Variants in RIC3 observed in about 807,000 individuals in gnomAD.
The protein encoded by RIC3 is RIC3 acetylcholine receptor chaperone.
A neutral mutation model predicts 27.3 loss-of-function variants in RIC3; 28 were observed. The ratio of observed to expected loss-of-function variants is 1.02; its 90% CI spans 0.76 to 1.41. The LOEUF (loss-of-function observed/expected upper bound fraction) is 1.41. Among genes scored for constraint, RIC3 ranks in the 40% most tolerant of loss-of-function variants. The pLI, the probability that RIC3 is intolerant of heterozygous loss-of-function variation, is 0.00. For missense variants in RIC3, 501 were observed against 444.7 expected, an observed-to-expected ratio of 1.13 and a Z score of -1.14; for synonymous variants, 184 against 160.4, an observed-to-expected ratio of 1.15 and a Z score of -1.11.
the RIC3 span, chr11:8,096,632 G>A: frequency 8.3e-7 from 1 of 1,209,340 alleles, no homozygotes; most frequent in Non-Finnish European, 1.2e-6. Context: ...TGTATTTCAG[G>A]GGCAGCGTAG....
chr11:8,127,774 T>G (rs967767461), intron 4 of RIC3, among the ~76,000 whole-genome samples: 1 of 152,200 alleles, frequency 6.6e-6, no homozygotes, highest in African/African-American at 2.4e-5. Flanking sequence ...GGAAAAATGA[T>G]GTACTATGTA....
At chr11:8,093,900 C>G in the RIC3 span, 1 of 902,128 alleles carries the variant, frequency 1.1e-6, no homozygotes. Context: ...GGGCCTGATC[C>G]TGTGGGCTGT....
At chr11:8,114,421 ATG>A (rs746342481) in intron 5 of RIC3, among the ~76,000 whole-genome samples, 1 of 152,146 alleles carries the variant, frequency 6.6e-6, no homozygotes, top group Non-Finnish European at 1.5e-5. Context: ...CCTGGCCAAC[ATG>A]GTAAAATCCT....
intron 1 of RIC3, among the ~76,000 whole-genome samples, chr11:8,161,912 A>G (rs1951199648): frequency 7.3e-6 from 1 of 136,468 alleles, no homozygotes; most frequent in Non-Finnish European, 1.6e-5. Flanking sequence ...TGAGACACTC[A>G]CTTTCTCCGG....
intron 1 of RIC3, among the ~76,000 whole-genome samples, chr11:8,160,085 G>C (rs887553088): frequency 2.6e-5 from 4 of 152,178 alleles, no homozygotes; most frequent in African/African-American, 7.2e-5. Flanking sequence ...ACACCAACTA[G>C]ATATTTAATG....
chr11:8,104,598 G>C (rs1944455719), downstream of RIC3: 1 of 152,204 alleles, frequency 6.6e-6, no homozygotes, highest in South Asian at 2.1e-4. Context: ...TCTCTGAACA[G>C]AAGGTATACC....
the RIC3 span, chr11:8,100,482 G>C: frequency 1.2e-6 from 2 of 1,604,840 alleles, no homozygotes; most frequent in Admixed American, 1.7e-5. Context: ...CAGGTGGCCA[G>C]TGTTGCGTTC....
chr11:8,115,202 A>C (rs1006624151), intron 5 of RIC3, among the ~76,000 whole-genome samples: 1 of 152,190 alleles, frequency 6.6e-6, no homozygotes, highest in Non-Finnish European at 1.5e-5. Context: ...CAAAAGAAAA[A>C]AAGTACATCA....
chr11:8,141,315 A>C (rs907627777), intron 1 of RIC3, among the ~76,000 whole-genome samples: 2 of 152,096 alleles, frequency 1.3e-5, no homozygotes, highest in Non-Finnish European at 2.9e-5. Flanking sequence ...CATAGGCTCA[A>C]AATAAAAGGA....
chr11:8,144,652 C>A (rs1949473769), intron 1 of RIC3, among the ~76,000 whole-genome samples: 1 of 152,056 alleles, frequency 6.6e-6, no homozygotes, highest in South Asian at 2.1e-4. Flanking sequence ...ACTAGAAATA[C>A]CATTTGACCT....
At chr11:8,168,591 C>G (rs181201647) in intron 1 of RIC3, among the ~76,000 whole-genome samples, 3 of 152,280 alleles carry the variant, frequency 2.0e-5, no homozygotes, top group African/African-American at 7.2e-5. Context: ...AGGGACTGCG[C>G]CTAAACGGGA....
intron 1 of RIC3, among the ~76,000 whole-genome samples, chr11:8,159,225 C>T (rs1167984265): frequency 2.0e-5 from 3 of 151,968 alleles, no homozygotes; most frequent in Non-Finnish European, 2.9e-5. Flanking sequence ...CATGGATATC[C>T]AAAAGAAGAG....
chr11:8,161,454 T>C (rs1951153986), intron 1 of RIC3, among the ~76,000 whole-genome samples: 1 of 152,214 alleles, frequency 6.6e-6, no homozygotes, highest in Non-Finnish European at 1.5e-5. Flanking sequence ...CACTTTCCCA[T>C]TCTATTTTAA....
At chr11:8,104,108 G>C (rs1400367806), downstream of RIC3, 1 of 152,246 alleles carries the variant, frequency 6.6e-6, no homozygotes, top group Admixed American at 6.5e-5. Flanking sequence ...GCATGGACTC[G>C]TAAAGCTGCT....
chr11:8,112,808 A>G (rs1321310489), intron 5 of RIC3, among the ~76,000 whole-genome samples: 1 of 152,102 alleles, frequency 6.6e-6, no homozygotes, highest in Non-Finnish European at 1.5e-5. Flanking sequence ...ATTCTTTCCA[A>G]TTTTCCCCTA....
At chr11:8,138,496 A>C (rs1432920287) in intron 2 of RIC3, 149 bp from the exon 3 acceptor site, 1 of 514,108 alleles carries the variant, frequency 1.9e-6, no homozygotes, top group East Asian at 3.0e-5. Flanking sequence ...TAGCTCAAAA[A>C]AAAAAACGCC....
chr11:8,144,763 A>G (rs1262131579), intron 1 of RIC3, among the ~76,000 whole-genome samples: 1 of 151,546 alleles, frequency 6.6e-6, no homozygotes, highest in Non-Finnish European at 1.5e-5. Context: ...CACAATAGCA[A>G]AGACTTGGAA....
At chr11:8,164,171 T>C (rs1951457349) in intron 1 of RIC3, among the ~76,000 whole-genome samples, 1 of 152,166 alleles carries the variant, frequency 6.6e-6, no homozygotes, top group Non-Finnish European at 1.5e-5. Context: ...CTTACCCATA[T>C]ACACAAATTA....
At position 8,165,594 on chromosome 11, in the gene RIC3, T is replaced by C. The variant is rs1023977352; in HGVS notation, c.124+3272A>G. Among the ~76,000 whole-genome samples, 7 of 152,164 alleles carry C rather than the reference T, an allele frequency of 4.6e-5. No individual in the cohort carries two copies. The South Asian group carries it at 1.0e-3, about 23-fold the overall frequency. On this transcript the variant is annotated intron_variant, in intron 1 of 5. Coordinates refer to ENST00000309737, the MANE Select transcript of RIC3 (RefSeq NM_001206671.4). ...GGTTTCTTTGGGGGCTGAAGAAATATTCTAAAATTGGTTGTAGTGATGGTT... is the reference window on the plus strand; with the variant it reads ...GGTTTCTTTGGGGGCTGAAGAAATACTCTAAAATTGGTTGTAGTGATGGTT...
Sources: gnomAD v4.1 joint callset for allele counts (sites outside exome capture counted in the v4.1 genomes callset) on GRCh38, gnomAD v4.1.1 for gene constraint, MANE v1.5 for transcripts, NCBI Gene and HGNC (gene_info 2026-07-23, HGNC 2026-07-21) for gene names.